FAF1: variants seen among roughly 807,000 people sequenced by gnomAD.
FAF1 encodes FAS-associated factor 1.
A neutral mutation model predicts 92.5 loss-of-function variants in FAF1; 25 were observed. The ratio of observed to expected loss-of-function variants is 0.27; its 90% CI spans 0.20 to 0.38. The LOEUF (loss-of-function observed/expected upper bound fraction) is 0.38, where lower values mean the gene tolerates loss of function less well. Ranked by LOEUF, FAF1 falls within the 10% of genes least tolerant of loss-of-function variation. The pLI is 1.00. For missense variants in FAF1, 636 were observed against 793.3 expected (o/e 0.80, Z 2.38); for synonymous variants, 234 against 273.2 (o/e 0.86, Z 1.42).
intron 5 of FAF1, among the ~76,000 whole-genome samples, chr1:50,740,221 A>AG (rs1197293622): frequency 6.6e-6 from 1 of 152,146 alleles, no homozygotes; most frequent in African/African-American, 2.4e-5. Context: ...AAAGCAGGGA[A>AG]GGGGGGATAA....
rs576252934 is a variant in FAF1, at chr1:50,755,232, G to C, written c.368-10457C>G. On this transcript the variant is annotated intron_variant, in intron 4 of 18. Coordinates refer to ENST00000396153, the MANE Select transcript of FAF1 (RefSeq NM_007051.3). ...AGTTAGTTACTTCCTAGATACAATGGGGGTACCGGCATTGGATAAATACAC... is the reference window on the plus strand; with the variant it reads ...AGTTAGTTACTTCCTAGATACAATGCGGGTACCGGCATTGGATAAATACAC... Among the ~76,000 whole-genome samples, 7 of 152,264 alleles carry C rather than the reference G, an allele frequency of 4.6e-5. No homozygotes were observed. In the South Asian group the frequency reaches 8.3e-4, roughly 18 times the overall value.
intron 13 of FAF1, among the ~76,000 whole-genome samples, chr1:50,555,234 C>A (rs913830959): frequency 6.6e-6 from 1 of 151,240 alleles, no homozygotes; most frequent in African/African-American, 2.4e-5. Flanking sequence ...CATACACACA[C>A]ACCAGGACCC....
At chr1:50,582,402 C>T (rs975013886) in intron 12 of FAF1, 11 of 446,690 alleles carry the variant, frequency 2.5e-5, no homozygotes, top group African/African-American at 1.4e-4. Flanking sequence ...AAACAGAAAA[C>T]GGTGCTTGCT....
At chr1:50,577,740 G>T (rs1282881210) in intron 12 of FAF1, among the ~76,000 whole-genome samples, 1 of 152,142 alleles carries the variant, frequency 6.6e-6, no homozygotes, top group Admixed American at 6.5e-5. Context: ...CCCTCAACTG[G>T]ATGAGTGTCC....
intron 18 of FAF1, among the ~76,000 whole-genome samples, chr1:50,475,036 A>C (rs1646621170): frequency 6.6e-6 from 1 of 152,232 alleles, no homozygotes; most frequent in Non-Finnish European, 1.5e-5. Flanking sequence ...AGACTATCAA[A>C]TCACAAAACA....
At chr1:50,498,200 T>C (rs183869249) in intron 15 of FAF1, among the ~76,000 whole-genome samples, 198 of 152,166 alleles carry the variant, frequency 1.3e-3, no homozygotes, top group African/African-American at 4.6e-3. Flanking sequence ...GAAAGCTGGA[T>C]ATCCACATGC....
intron 6 of FAF1, among the ~76,000 whole-genome samples, chr1:50,720,157 A>G (rs2124452453): frequency 6.6e-6 from 1 of 152,156 alleles, no homozygotes; most frequent in African/African-American, 2.4e-5. Flanking sequence ...ATGCACCACC[A>G]CACCCAGCTA....
rs142226558 is a variant in FAF1 at position 50,807,234 on chromosome 1, C to T, written c.115-5557G>A. On this transcript the variant is annotated intron_variant, in intron 2 of 18. Coordinates refer to ENST00000396153, the MANE Select transcript of FAF1 (RefSeq NM_007051.3). ...GAAAGACTCCAACAATTTTAAAACA[C>T]GGTCACAGGTGTATTAGTTCATTCT... is the stretch of plus-strand genomic sequence containing the variant. Among the ~76,000 whole-genome samples the T allele has an allele frequency of 1.2e-4, 18 of 152,308 alleles. No homozygotes were observed. In the East Asian group the frequency reaches 1.4e-3, roughly 11 times the overall value.
intron 1 of FAF1, among the ~76,000 whole-genome samples, chr1:50,883,405 A>G (rs74498039): frequency 0.02 from 3,055 of 152,330 alleles, 101 homozygotes; most frequent in African/African-American, 0.071. Flanking sequence ...TATCACAAAT[A>G]CTAAGACAAC....
In FAF1 at chr1:50,540,800, A is replaced by G. The variant is rs771616859; in HGVS notation, c.1269-1072T>C. On this transcript the variant is annotated intron_variant, in intron 13 of 18. Coordinates refer to ENST00000396153, the MANE Select transcript of FAF1 (RefSeq NM_007051.3). ...ATGCTTTAATAAGATCCAATTTAAT[A>G]AAGTCTGTAAAAATAATGGACTTTT... 2.7e-4 allele frequency among the ~76,000 whole-genome samples: 41 copies of G among 152,230 alleles called. 1 individual carries two copies. The highest frequency in any genetic ancestry group is 1.6e-4 in the Non-Finnish European group (11 of 68,038).
At chr1:50,640,122 T>A (rs1409384744) in intron 8 of FAF1, among the ~76,000 whole-genome samples, 2 of 152,124 alleles carry the variant, frequency 1.3e-5, no homozygotes, top group Non-Finnish European at 2.9e-5. Context: ...TATTGGTCTG[T>A]AGCTTTTTGG....
chr1:50,525,915 T>C (rs577138645), intron 15 of FAF1, among the ~76,000 whole-genome samples: 7 of 152,304 alleles, frequency 4.6e-5, no homozygotes, highest in Middle Eastern at 6.8e-3. Flanking sequence ...TATAATTCAT[T>C]GGTAAAGAAG....
At chr1:50,560,839 G>A (rs1649867854) in intron 13 of FAF1, among the ~76,000 whole-genome samples, 1 of 152,192 alleles carries the variant, frequency 6.6e-6, no homozygotes, top group South Asian at 2.1e-4. Flanking sequence ...AATACTGGTG[G>A]TTCATTGTGT....
chr1:50,877,005 A>G (rs1274678294), intron 1 of FAF1, among the ~76,000 whole-genome samples: 1 of 152,262 alleles, frequency 6.6e-6, no homozygotes, highest in Non-Finnish European at 1.5e-5. Context: ...AACAGGGAAG[A>G]GACAAATTCC....
In FAF1 at chr1:50,567,147, T is replaced by C. The variant is rs139358657; in HGVS notation, c.1198A>G (p.Ile400Val). 16 of 1,610,270 alleles carry C rather than the reference T, an allele frequency of 9.9e-6. No individual in the cohort carries two copies. In the African/African-American group the frequency reaches 1.7e-4, roughly 17 times the overall value. ...AAATTTTGACTCAGATAAGAAACAATGGATTCAGCACAAAGCATTTGTGAG... is the reference window on the plus strand; with the variant it reads ...AAATTTTGACTCAGATAAGAAACAACGGATTCAGCACAAAGCATTTGTGAG... ...FCSQMLCAES[I>V]VSYLSQNFIT... is the part of the protein sequence containing the mutation. The change falls in exon 13 of 19, where the codon ATT (isoleucine) becomes GTT (valine). Residue 400 changes from isoleucine (I) to valine (V), a missense_variant. Coordinates refer to ENST00000396153, the MANE Select transcript of FAF1 (RefSeq NM_007051.3).
chr1:50,883,957 T>A (rs1249462722), intron 1 of FAF1, among the ~76,000 whole-genome samples: 1 of 151,432 alleles, frequency 6.6e-6, no homozygotes, highest in Non-Finnish European at 1.5e-5. Flanking sequence ...AAACCCCGTC[T>A]CTACTAAAAA....
intron 2 of FAF1, among the ~76,000 whole-genome samples, chr1:50,821,876 T>C (rs544456461): frequency 7.2e-5 from 11 of 152,186 alleles, no homozygotes; most frequent in Non-Finnish European, 1.0e-4. Flanking sequence ...AAGAAGTAGA[T>C]TGCAGACAAC....
At chr1:50,556,185 C>G (rs1450751150) in intron 13 of FAF1, among the ~76,000 whole-genome samples, 1 of 146,472 alleles carries the variant, frequency 6.8e-6, no homozygotes, top group Non-Finnish European at 1.5e-5. Context: ...TTGCAGTGAG[C>G]CAAGATCGCG....
chr1:50,697,093 T>C (rs1046741993), intron 7 of FAF1, among the ~76,000 whole-genome samples: 2 of 152,202 alleles, frequency 1.3e-5, no homozygotes, highest in African/African-American at 4.8e-5. Flanking sequence ...TCATTTTTCA[T>C]TCACTTGAAA....
Sources: allele counts gnomAD v4.1 joint callset (sites outside exome capture counted in the v4.1 genomes callset), GRCh38; gene constraint gnomAD v4.1.1; transcripts MANE v1.5; gene names NCBI Gene and HGNC (gene_info 2026-07-23, HGNC 2026-07-21).